The following THSD7B variants were observed in gnomAD, a reference collection of about 807,000 sequenced individuals.
The protein encoded by THSD7B is thrombospondin type-1 domain-containing protein 7B.
THSD7B carries 138 observed loss-of-function variants against 213.6 expected under a neutral mutation model. The observed-to-expected ratio is 0.65, with a 90% confidence interval of 0.56 to 0.74. The LOEUF is 0.74. THSD7B is among the 30% of genes least tolerant of loss of function. The probability of loss-of-function intolerance (pLI) is 0.00; values close to 1 mark genes in which losing one functional copy is unlikely to be tolerated. For synonymous variants in THSD7B, 742 were observed against 687.0 expected (o/e 1.08, Z -1.25); for missense variants, 1,931 against 1,991.5 (o/e 0.97, Z 0.58).
At chr2:136,783,217 C>T (rs1483918608) in intron 1 of THSD7B, among the ~76,000 whole-genome samples, 2 of 152,092 alleles carry the variant, frequency 1.3e-5, no homozygotes, top group African/African-American at 4.8e-5. Flanking sequence ...TTCTCAGGAC[C>T]CTTATACCTG....
At chr2:136,774,559 G>A (rs1387340772) in intron 1 of THSD7B, among the ~76,000 whole-genome samples, 2 of 152,096 alleles carry the variant, frequency 1.3e-5, no homozygotes, top group African/African-American at 4.8e-5. Context: ...CTATTCAGCT[G>A]TACATGACAA....
At chr2:137,593,516 C>T (rs962885580) in intron 17 of THSD7B, among the ~76,000 whole-genome samples, 2 of 150,954 alleles carry the variant, frequency 1.3e-5, no homozygotes, top group African/African-American at 4.9e-5. Context: ...TTGTATTTCC[C>T]TAATAACTAA....
chr2:137,569,379 G>A (rs537290551), intron 16 of THSD7B, among the ~76,000 whole-genome samples: 4 of 152,228 alleles, frequency 2.6e-5, no homozygotes, highest in East Asian at 1.9e-4. Context: ...TTTACAGGAT[G>A]GTGTCCCCAT....
At chr2:137,023,508 T>C (rs766840830) in intron 2 of THSD7B, among the ~76,000 whole-genome samples, 5 of 152,160 alleles carry the variant, frequency 3.3e-5, no homozygotes, top group Non-Finnish European at 7.4e-5. Flanking sequence ...AGCAATGCCA[T>C]TTTAGTCAAC....
intron 1 of THSD7B, among the ~76,000 whole-genome samples, chr2:136,770,473 A>G (rs1209374371): frequency 6.6e-6 from 1 of 152,218 alleles, no homozygotes; most frequent in Non-Finnish European, 1.5e-5. Context: ...ATATTGAAAT[A>G]CATGTGCTCC....
chr2:137,518,659 C>T (rs1485500526), intron 15 of THSD7B, among the ~76,000 whole-genome samples: 1 of 152,184 alleles, frequency 6.6e-6, no homozygotes, highest in East Asian at 1.9e-4. Context: ...GTTCTGTGGA[C>T]ACCACTCATC....
intron 15 of THSD7B, among the ~76,000 whole-genome samples, chr2:137,485,467 C>G (rs1052966778): frequency 5.9e-5 from 9 of 152,112 alleles, no homozygotes; most frequent in Non-Finnish European, 1.2e-4. Context: ...ATGCCTCCAG[C>G]TTTGTTCTTT....
At chr2:137,291,364 C>A (rs1558745106) in intron 12 of THSD7B, among the ~76,000 whole-genome samples, 1 of 152,050 alleles carries the variant, frequency 6.6e-6, no homozygotes, top group Non-Finnish European at 1.5e-5. Flanking sequence ...TTTCAGCTCC[C>A]AAAATGCAGA....
In THSD7B at chr2:137,452,782, C is replaced by A. The variant is rs141692683; in HGVS notation, c.3138+1759C>A. 3.4e-3 allele frequency among the ~76,000 whole-genome samples: 511 copies of A among 152,144 alleles called. 2 individuals carry two copies. The highest frequency in any genetic ancestry group is 0.011 in the African/African-American group (475 of 41,508). ...GAGTAAGAATAAGATAAAAATAACT[C>A]ATTTTGTGAAGGGATGACATGACAG... On this transcript the variant is annotated intron_variant, in intron 15 of 27. Transcript: ENST00000409968.
chr2:137,482,785 T>G (rs1315066709), intron 15 of THSD7B, among the ~76,000 whole-genome samples: 1 of 152,106 alleles, frequency 6.6e-6, no homozygotes, highest in African/African-American at 2.4e-5. Context: ...CTACCCTGAT[T>G]GTGTTCCAGC....
intron 3 of THSD7B, 146 bp from the exon 4 acceptor site, chr2:137,094,726 TC>T: frequency 3.2e-6 from 3 of 941,688 alleles, no homozygotes; most frequent in Non-Finnish European, 4.7e-6. Flanking sequence ...CAATATTTTT[TC>T]ATGATGTCTC....
In THSD7B at chr2:137,546,435, TTA is replaced by T. The variant is rs1292087180; in HGVS notation, c.3139-16778_3139-16777del. Among the ~76,000 whole-genome samples, 2 of 32,740 alleles carry T rather than the reference TTA, an allele frequency of 6.1e-5. 1 individual carries two copies. The highest frequency in any genetic ancestry group is 0.029 in the Middle Eastern group (2 of 68). The allele number at this position is 32,740 out of a possible 152,430, so 21.5% of individuals were successfully genotyped here. On this transcript the variant is annotated intron_variant, in intron 15 of 27. Transcript: ENST00000409968. ...ATATATTATATATATTATATATATA[TTA>T]TATATATTATATATATATTATATAT... is the stretch of plus-strand genomic sequence containing the variant.
At chr2:137,221,664 C>T (rs57169145) in intron 7 of THSD7B, among the ~76,000 whole-genome samples, 4,179 of 152,190 alleles carry the variant, frequency 0.027, 228 homozygotes, top group African/African-American at 0.095. Flanking sequence ...TTATTTATCA[C>T]AGAGAAATTG....
At chr2:137,493,122 CAAAAAAAAAAA>C (rs376770053) in intron 15 of THSD7B, among the ~76,000 whole-genome samples, 920 of 44,238 alleles carry the variant, frequency 0.021, 16 homozygotes, top group African/African-American at 0.079. Flanking sequence ...CTCTCTCTCT[CAAAAAAAAAAA>C]AAAAAAAAAA....
intron 1 of THSD7B, among the ~76,000 whole-genome samples, chr2:136,805,855 T>C (rs1215975375): frequency 6.6e-6 from 1 of 152,306 alleles, no homozygotes; most frequent in Non-Finnish European, 1.5e-5. Flanking sequence ...GGTTAGGGGG[T>C]AGTAACAGCT....
At chr2:136,787,755 G>A (rs563932599) in intron 1 of THSD7B, among the ~76,000 whole-genome samples, 9 of 152,152 alleles carry the variant, frequency 5.9e-5, no homozygotes, top group South Asian at 2.1e-4. Context: ...AAGCTTGGCC[G>A]TGTGATTTGC....
chr2:137,316,459 C>G (rs1235050033), intron 12 of THSD7B, among the ~76,000 whole-genome samples: 6 of 152,156 alleles, frequency 3.9e-5, no homozygotes, highest in Non-Finnish European at 8.8e-5. Flanking sequence ...AGTGAATCAT[C>G]TAAATAAGAA....
At chr2:137,409,710 A>C (rs1293561064) in intron 13 of THSD7B, among the ~76,000 whole-genome samples, 1 of 152,230 alleles carries the variant, frequency 6.6e-6, no homozygotes, top group East Asian at 1.9e-4. Flanking sequence ...AGAATAGTTC[A>C]CCAAGTAAAA....
At position 137,195,075 on chromosome 2, in the gene THSD7B, T is replaced by C. The variant is rs1680730765; in HGVS notation, c.1723+24137T>C. The stretch of plus-strand genomic sequence containing the variant: ...TAAATATCTTTTAATCTATACATGA[T>C]TCTATTTTGTGAATAATAAGGGACC... On this transcript the variant is annotated intron_variant, in intron 7 of 27. Transcript: ENST00000409968. Among the ~76,000 whole-genome samples, 3 of 152,068 alleles carry C rather than the reference T, an allele frequency of 2.0e-5. No homozygotes were observed. In the South Asian group the frequency reaches 6.2e-4, roughly 32 times the overall value.
Sources: gnomAD v4.1 joint callset for allele counts (sites outside exome capture counted in the v4.1 genomes callset) on GRCh38, gnomAD v4.1.1 for gene constraint, MANE v1.5 for transcripts, NCBI Gene and HGNC (gene_info 2026-07-23, HGNC 2026-07-21) for gene names.